The following CLDN10 variants were observed in gnomAD, a reference collection of about 807,000 sequenced individuals.
The protein encoded by CLDN10 is claudin-10.
CLDN10 carries 15 observed loss-of-function variants against 22.9 expected under a neutral mutation model. The observed-to-expected ratio is 0.65, with a 90% confidence interval of 0.44 to 1.01. CLDN10 has a LOEUF of 1.01. Ranked by LOEUF, CLDN10 falls within the 50% of genes least tolerant of loss-of-function variation. The pLI is 0.00. For synonymous variants in CLDN10, 114 were observed against 111.4 expected, an observed-to-expected ratio of 1.02 and a Z score of -0.15; for missense variants, 247 against 287.8, an observed-to-expected ratio of 0.86 and a Z score of 1.03.
intron 1 of CLDN10, among the ~76,000 whole-genome samples, chr13:95,539,485 C>T (rs1480279825): frequency 6.6e-6 from 1 of 152,130 alleles, no homozygotes; most frequent in African/African-American, 2.4e-5. Flanking sequence ...GTAACATTCA[C>T]GTTCTGAATT....
intron 1 of CLDN10, among the ~76,000 whole-genome samples, chr13:95,471,295 G>T (rs2042628505): frequency 6.6e-6 from 1 of 151,768 alleles, no homozygotes; most frequent in Non-Finnish European, 1.5e-5. Flanking sequence ...CACCAGTGGA[G>T]GGGCTTGTCA....
chr13:95,567,255 A>C (rs1053819889), intron 3 of CLDN10, among the ~76,000 whole-genome samples: 1 of 152,210 alleles, frequency 6.6e-6, no homozygotes, highest in Non-Finnish European at 1.5e-5. Context: ...ATCCATGAGC[A>C]TGGAGTGTTC....
At chr13:95,573,832 C>T (rs1417007319) in intron 3 of CLDN10, among the ~76,000 whole-genome samples, 1 of 151,786 alleles carries the variant, frequency 6.6e-6, no homozygotes, top group South Asian at 2.1e-4. Context: ...CCCATCAACT[C>T]GTCATTTACA....
chr13:95,538,997 A>G (rs1201007795), intron 1 of CLDN10, among the ~76,000 whole-genome samples: 1 of 152,122 alleles, frequency 6.6e-6, no homozygotes, highest in Non-Finnish European at 1.5e-5. Context: ...CTCTGGCCTC[A>G]GCCTCCCGAG....
chr13:95,543,242 T>TAAA (rs1326780651), intron 1 of CLDN10, among the ~76,000 whole-genome samples: 6 of 53,544 alleles, frequency 1.1e-4, no homozygotes, highest in African/African-American at 1.6e-4. Flanking sequence ...AAAAAATAAA[T>TAAA]AAATAAAATC....
rs572176822 is a variant in CLDN10 at position 95,546,198 on chromosome 13, A to G, written c.215-13934A>G. 1.4e-4 allele frequency among the ~76,000 whole-genome samples: 22 copies of G among 152,326 alleles called. No individual in the cohort carries two copies. The East Asian group carries it at 2.5e-3, about 17-fold the overall frequency. On this transcript the variant is annotated intron_variant, in intron 1 of 4. Coordinates refer to the CLDN10 transcript ENST00000376873. ...AGAACTGTCTTAATGCATTTTGTGCATGTTTGTTCACACGCTGTAGATATT... is the reference window on the plus strand; with the variant it reads ...AGAACTGTCTTAATGCATTTTGTGCGTGTTTGTTCACACGCTGTAGATATT...
intron 1 of CLDN10, among the ~76,000 whole-genome samples, chr13:95,493,531 G>C (rs2042897702): frequency 6.7e-6 from 1 of 148,542 alleles, no homozygotes; most frequent in African/African-American, 2.5e-5. Context: ...TGACACTCTA[G>C]ATACCCTATA....
At chr13:95,524,865 A>T (rs58906607) in intron 1 of CLDN10, among the ~76,000 whole-genome samples, 58,598 of 130,550 alleles carry the variant, frequency 0.45, 11,805 homozygotes, top group African/African-American at 0.52. Context: ...ATTTATTTTT[A>T]TTTTTTTTTT....
intron 1 of CLDN10, among the ~76,000 whole-genome samples, chr13:95,555,793 G>T (rs1348365207): frequency 6.6e-6 from 1 of 152,162 alleles, no homozygotes; most frequent in Non-Finnish European, 1.5e-5. Context: ...AGCTTCCAGG[G>T]TAGGGGCCCT....
chr13:95,539,366 A>T (rs1422231219), intron 1 of CLDN10, among the ~76,000 whole-genome samples: 1 of 152,228 alleles, frequency 6.6e-6, no homozygotes, highest in Non-Finnish European at 1.5e-5. Flanking sequence ...TTTCACCTTC[A>T]GTATTTATAT....
chr13:95,492,179 C>T (rs1490477480), intron 1 of CLDN10, among the ~76,000 whole-genome samples: 1 of 152,038 alleles, frequency 6.6e-6, no homozygotes, highest in Non-Finnish European at 1.5e-5. Flanking sequence ...AAAGCATCAG[C>T]TGTAGTCATG....
Position 95,501,931 on chromosome 13 carries a change from T to C in CLDN10, c.215-58201T>C, listed in dbSNP as rs528879557. Among the ~76,000 whole-genome samples the C allele has an allele frequency of 2.6e-5, 4 of 152,346 alleles. No individual in the cohort carries two copies. The South Asian group carries it at 8.3e-4, about 32-fold the overall frequency. On this transcript the variant is annotated intron_variant, in intron 1 of 4. Coordinates refer to the CLDN10 transcript ENST00000376873. ...TTTCATTCTATCTCCTTTATTGATCTTTTAGCTATACTTCTTGGCATTTTA... is the reference window on the plus strand; with the variant it reads ...TTTCATTCTATCTCCTTTATTGATCCTTTAGCTATACTTCTTGGCATTTTA...
intron 1 of CLDN10, among the ~76,000 whole-genome samples, chr13:95,484,853 G>C (rs2042787029): frequency 8.9e-6 from 1 of 112,794 alleles, no homozygotes; most frequent in Non-Finnish European, 1.7e-5. Flanking sequence ...GTAACAAAGT[G>C]AGACCCTGTC....
chr13:95,481,815 T>C (rs1297313732), intron 1 of CLDN10, among the ~76,000 whole-genome samples: 1 of 151,860 alleles, frequency 6.6e-6, no homozygotes. Flanking sequence ...AGATCAGGAG[T>C]TGGAGACCAG....
intron 1 of CLDN10, among the ~76,000 whole-genome samples, chr13:95,527,810 T>A (rs941728278): frequency 5.9e-5 from 9 of 152,260 alleles, no homozygotes; most frequent in Middle Eastern, 3.4e-3. Context: ...CATCTTATGG[T>A]GAAATATTCT....
At chr13:95,441,458 T>A (rs147279457) in intron 1 of CLDN10, among the ~76,000 whole-genome samples, 4 of 152,242 alleles carry the variant, frequency 2.6e-5, no homozygotes, top group African/African-American at 9.6e-5. Flanking sequence ...TGCCCAAGTT[T>A]ATCTCAAACT....
In CLDN10 at chr13:95,521,245, C is replaced by G. The variant is rs186035775; in HGVS notation, c.215-38887C>G. On this transcript the variant is annotated intron_variant, in intron 1 of 4. Transcript: ENST00000376873. ...GAAAAGAAGTGACAATAGTATGCAT[C>G]CTTGTTTTGTTCCTGATTTCAAAAG... is the stretch of plus-strand genomic sequence containing the variant. Among the ~76,000 whole-genome samples the G allele has an allele frequency of 3.7e-3, 559 of 152,254 alleles. 3 individuals carry two copies. The highest frequency in any genetic ancestry group is 0.013 in the African/African-American group (531 of 41,538).
At chr13:95,494,954 AT>A (rs1239348542) in intron 1 of CLDN10, among the ~76,000 whole-genome samples, 1 of 152,034 alleles carries the variant, frequency 6.6e-6, no homozygotes, top group Non-Finnish European at 1.5e-5. Context: ...GGTAAAATTA[AT>A]ATTTCATTTT....
At chr13:95,465,949 G>A (rs933522547) in intron 1 of CLDN10, among the ~76,000 whole-genome samples, 2 of 152,026 alleles carry the variant, frequency 1.3e-5, no homozygotes, top group African/African-American at 4.8e-5. Context: ...TCAATATAAT[G>A]TATTCCATTA....
Sources: allele counts gnomAD v4.1 joint callset (sites outside exome capture counted in the v4.1 genomes callset), GRCh38; gene constraint gnomAD v4.1.1; transcripts MANE v1.5; gene names NCBI Gene and HGNC (gene_info 2026-07-23, HGNC 2026-07-21).